PPP1R12B: variants seen among roughly 807,000 people sequenced by gnomAD.
The protein encoded by PPP1R12B is protein phosphatase 1 regulatory subunit 12B, also known as myosin phosphatase target subunit 2.
PPP1R12B carries 76 observed loss-of-function variants against 126.1 expected under a neutral mutation model. The ratio of observed to expected loss-of-function variants is 0.60; its 90% CI spans 0.50 to 0.73. PPP1R12B has a LOEUF of 0.73. Among genes scored for constraint, PPP1R12B ranks in the 30% least tolerant of loss-of-function variants. The pLI is 0.00. For missense variants in PPP1R12B, 1,052 were observed against 1,205.1 expected, an observed-to-expected ratio of 0.87 and a Z score of 1.88; for synonymous variants, 356 against 434.7, an observed-to-expected ratio of 0.82 and a Z score of 2.25.
At chr1:202,548,726 A>T (rs1044547782) in intron 18 of PPP1R12B, among the ~76,000 whole-genome samples, 7 of 149,974 alleles carry the variant, frequency 4.7e-5, no homozygotes, top group African/African-American at 1.5e-4. Flanking sequence ...TGAGCCCAGG[A>T]AGTAGAGGTT....
chr1:202,523,945 C>T (rs188626577), intron 18 of PPP1R12B, among the ~76,000 whole-genome samples: 39 of 152,260 alleles, frequency 2.6e-4, no homozygotes, highest in Non-Finnish European at 4.3e-4. Context: ...AAACTCCTGA[C>T]CTTGTGATCT....
intron 18 of PPP1R12B, among the ~76,000 whole-genome samples, chr1:202,524,980 G>C (rs951143766): frequency 2.0e-5 from 3 of 152,152 alleles, no homozygotes; most frequent in Non-Finnish European, 4.4e-5. Context: ...TGGGTTCAAA[G>C]TGATTCTCCT....
chr1:202,364,812 G>C (rs766497354), intron 1 of PPP1R12B, among the ~76,000 whole-genome samples: 2 of 152,048 alleles, frequency 1.3e-5, no homozygotes, highest in Non-Finnish European at 2.9e-5. Context: ...TCCTGACCTC[G>C]TGATGGGCCC....
chr1:202,467,396 C>T (rs1475407044), intron 13 of PPP1R12B, among the ~76,000 whole-genome samples: 4 of 151,884 alleles, frequency 2.6e-5, no homozygotes, highest in African/African-American at 9.7e-5. Flanking sequence ...CACAACAGGC[C>T]CCAGTGTGTG....
At chr1:202,449,631 T>A (rs1672686339) in intron 13 of PPP1R12B, among the ~76,000 whole-genome samples, 1 of 152,122 alleles carries the variant, frequency 6.6e-6, no homozygotes, top group Non-Finnish European at 1.5e-5. Flanking sequence ...AGTCAGTTTT[T>A]GGTGACTCAA....
At chr1:202,520,059 A>G (rs1304099265) in intron 18 of PPP1R12B, among the ~76,000 whole-genome samples, 1 of 152,212 alleles carries the variant, frequency 6.6e-6, no homozygotes, top group Non-Finnish European at 1.5e-5. Context: ...TCAGAAACAC[A>G]TTATTTTCTT....
Position 202,589,125 on chromosome 1 carries a change from T to C in PPP1R12B, c.*8565T>C, listed in dbSNP as rs1366078936. 6.6e-6 allele frequency: 1 copy of C among 152,234 alleles called. No individual in the cohort carries two copies. Among genetic ancestry groups the C allele is most frequent in the Non-Finnish European group, 1.5e-5 (1 of 68,034 alleles). The allele number at this position is 152,234 out of a possible 1,614,324, so 9.4% of individuals were successfully genotyped here. The stretch of plus-strand genomic sequence containing the variant: ...TAATTCAGGAGATCCAAAACTATCC[T>C]GTAGTTCCAAACTACAAATGTAGTT... On this transcript the variant is annotated 3_prime_UTR_variant, in exon 24 of 24. Transcript: ENST00000608999.
intron 11 of PPP1R12B, among the ~76,000 whole-genome samples, chr1:202,442,209 T>C (rs1671712335): frequency 6.6e-6 from 1 of 152,200 alleles, no homozygotes; most frequent in African/African-American, 2.4e-5. Context: ...GTTAGAGACC[T>C]TTGACATGAG....
chr1:202,578,591 T>C (rs140183249), intron 23 of PPP1R12B, among the ~76,000 whole-genome samples: 2 of 152,358 alleles, frequency 1.3e-5, no homozygotes, highest in African/African-American at 4.8e-5. Flanking sequence ...TTTTATATTT[T>C]CTGGATTAAG....
At chr1:202,438,733 C>T (rs993678318) in intron 10 of PPP1R12B, 18 of 683,400 alleles carry the variant, frequency 2.6e-5, no homozygotes, top group Non-Finnish European at 4.3e-5. Context: ...ATTTTGCAGA[C>T]GTCGTGAGAG....
At chr1:202,548,392 G>A (rs1465638478) in intron 18 of PPP1R12B, among the ~76,000 whole-genome samples, 3 of 152,002 alleles carry the variant, frequency 2.0e-5, no homozygotes, top group Non-Finnish European at 4.4e-5. Context: ...ACAGGATCTC[G>A]CTCTGTCACC....
In PPP1R12B at chr1:202,495,582, C is replaced by G; in HGVS notation, c.2348C>G (p.Ala783Gly). Residue 783 changes from alanine to glycine, a missense_variant, in exon 17 of 24, where the codon GCA becomes GGA. Coordinates refer to ENST00000608999, the MANE Select transcript of PPP1R12B (RefSeq NM_002481.4). ...TATCTCTGGCCAGAGAATGAAGAAG[C>G]AGATTTGGATGAGCAGTCCTCTAAG... Reference protein sequence around the residue: ...KEMDKNENEEADLDEQSSKRL... With the variant: ...KEMDKNENEEGDLDEQSSKRL... 6.2e-7 allele frequency: 1 copy of G among 1,614,024 alleles called. No homozygotes were observed. The highest frequency in any genetic ancestry group is 1.3e-5 in the African/African-American group (1 of 75,026).
chr1:202,403,651 C>G (rs1284536234), intron 1 of PPP1R12B, among the ~76,000 whole-genome samples: 1 of 152,192 alleles, frequency 6.6e-6, no homozygotes, highest in East Asian at 1.9e-4. Flanking sequence ...TCTAGGCTCA[C>G]TTTTGGATTA....
intron 1 of PPP1R12B, among the ~76,000 whole-genome samples, chr1:202,394,907 C>G (rs1351777537): frequency 6.6e-6 from 1 of 151,902 alleles, no homozygotes; most frequent in Non-Finnish European, 1.5e-5. Flanking sequence ...CACCTGAGGT[C>G]AGGAATTCAA....
chr1:202,423,419 T>G (rs547955429), intron 3 of PPP1R12B, among the ~76,000 whole-genome samples: 3 of 152,172 alleles, frequency 2.0e-5, no homozygotes, highest in Non-Finnish European at 4.4e-5. Context: ...TTAGCTCCAG[T>G]GGTCTTTCCC....
At chr1:202,365,817 C>G (rs1489806560) in intron 1 of PPP1R12B, among the ~76,000 whole-genome samples, 1 of 151,874 alleles carries the variant, frequency 6.6e-6, no homozygotes, top group Admixed American at 6.6e-5. Flanking sequence ...ATAGCAAAAC[C>G]CCATCTCTAC....
At chr1:202,573,065 G>A (rs1688759475) in intron 23 of PPP1R12B, among the ~76,000 whole-genome samples, 1 of 152,144 alleles carries the variant, frequency 6.6e-6, no homozygotes, top group Non-Finnish European at 1.5e-5. Context: ...TTCATACAAT[G>A]ACAATTATTT....
chr1:202,411,517 C>G (rs544876639), intron 1 of PPP1R12B, among the ~76,000 whole-genome samples: 2 of 151,882 alleles, frequency 1.3e-5, no homozygotes, highest in African/African-American at 4.8e-5. Flanking sequence ...ACATTTTTAA[C>G]CAAACTTCTT....
rs140417085 is a variant in PPP1R12B at position 202,456,335 on chromosome 1, A to T, written c.1850+7164A>T. 2.1e-3 allele frequency among the ~76,000 whole-genome samples: 320 copies of T among 152,278 alleles called. 2 individuals are homozygous for T. The highest frequency in any genetic ancestry group is 6.9e-3 in the African/African-American group (287 of 41,558). On this transcript the variant is annotated intron_variant, in intron 13 of 23. Coordinates refer to ENST00000608999, the MANE Select transcript of PPP1R12B (RefSeq NM_002481.4). ...ATGGTTTGAAAATACGTTTAGGAGG[A>T]TAATTCCGACATGGTAGATGGAACT... is the stretch of plus-strand genomic sequence containing the variant.
Sources: allele counts gnomAD v4.1 joint callset (sites outside exome capture counted in the v4.1 genomes callset), GRCh38; gene constraint gnomAD v4.1.1; transcripts MANE v1.5; gene names NCBI Gene and HGNC (gene_info 2026-07-23, HGNC 2026-07-21).